The following PTPN14 variants were observed in gnomAD, a reference collection of about 807,000 sequenced individuals.
PTPN14 encodes protein tyrosine phosphatase non-receptor type 14.
A neutral mutation model predicts 126.8 loss-of-function variants in PTPN14; 53 were observed. The observed-to-expected ratio is 0.42, with a 90% CI of 0.34 to 0.53. The LOEUF (loss-of-function observed/expected upper bound fraction) is 0.53, where lower values mean the gene tolerates loss of function less well. Among genes scored for constraint, PTPN14 ranks in the 20% least tolerant of loss-of-function variants. The pLI, the probability that PTPN14 is intolerant of heterozygous loss-of-function variation, is 0.08. For synonymous variants in PTPN14, 630 were observed against 599.3 expected (o/e 1.05, Z -0.75); for missense variants, 1,257 against 1,552.9 (o/e 0.81, Z 3.20).
intron 15 of PTPN14, among the ~76,000 whole-genome samples, chr1:214,373,427 T>C (rs1163566769): frequency 6.6e-6 from 1 of 152,154 alleles, no homozygotes; most frequent in Non-Finnish European, 1.5e-5. Context: ...CATACACACA[T>C]GTATAGATGC....
chr1:214,502,551 A>T lies in PTPN14; in HGVS notation c.-154-37594T>A, dbSNP rs149101525. Among the ~76,000 whole-genome samples, 261 of 152,204 alleles carry T rather than the reference A, an allele frequency of 1.7e-3. 2 individuals carry two copies. Among genetic ancestry groups the T allele is most frequent in the Middle Eastern group, 3.4e-3 (1 of 294 alleles). Reference sequence around the variant, plus strand: ...TTATTTATTTATTTTTAGAGACAGGATCTCACTATGTTGCCCAGGCTGGTC... The same window carrying T: ...TTATTTATTTATTTTTAGAGACAGGTTCTCACTATGTTGCCCAGGCTGGTC... On this transcript the variant is annotated intron_variant, in intron 1 of 18. Coordinates refer to ENST00000366956, the MANE Select transcript of PTPN14 (RefSeq NM_005401.5).
At chr1:214,392,467 G>A (rs551754156) in intron 10 of PTPN14, among the ~76,000 whole-genome samples, 101 of 152,236 alleles carry the variant, frequency 6.6e-4, no homozygotes, top group Admixed American at 1.6e-3. Flanking sequence ...GAAGACAAGA[G>A]TAAAATCCAG....
At chr1:214,500,979 G>A (rs1242713987) in intron 1 of PTPN14, among the ~76,000 whole-genome samples, 4 of 152,128 alleles carry the variant, frequency 2.6e-5, no homozygotes, top group African/African-American at 9.7e-5. Context: ...CACTAACAAT[G>A]AAAAGATTCA....
At chr1:214,500,614 C>T (rs969629064) in intron 1 of PTPN14, among the ~76,000 whole-genome samples, 1 of 151,484 alleles carries the variant, frequency 6.6e-6, no homozygotes, top group African/African-American at 2.4e-5. Context: ...TGTTTCAGAA[C>T]CACTGAGGGA....
At chr1:214,520,065 A>AAAAAAAAAAAAAAAAATATATAT in intron 1 of PTPN14, among the ~76,000 whole-genome samples, 10 of 71,104 alleles carry the variant, frequency 1.4e-4, no homozygotes, top group Non-Finnish European at 1.9e-4. Context: ...AAAAAAAAAA[A>AAAAAAAAAAAAAAAAATATATAT]ATATATATAT....
At chr1:214,443,352 A>G (rs996499369) in intron 3 of PTPN14, among the ~76,000 whole-genome samples, 1 of 152,104 alleles carries the variant, frequency 6.6e-6, no homozygotes, top group South Asian at 2.1e-4. Context: ...CACCTCCCCA[A>G]TTCCTGCAAG....
At chr1:214,368,195 T>TA (rs1456676592) in intron 17 of PTPN14, among the ~76,000 whole-genome samples, 39 of 137,222 alleles carry the variant, frequency 2.8e-4, no homozygotes, top group African/African-American at 1.0e-3. Flanking sequence ...ATGTTATTCG[T>TA]TTTTATTTAT....
rs146466456 is a variant in PTPN14 at position 214,383,465 on chromosome 1, G to A, written c.2390C>T (p.Pro797Leu). ...GCCGAGAGAGGCCCCGTTGACAGCC[G>A]GCGGGTCAGTCCGAGACATGCTGAT... ...KAISMSRTDP[P>L]AVNGASLGPS... The change falls in exon 13 of 19, where the codon CCG (proline) becomes CTG (leucine). Residue 797 changes from proline (P) to leucine (L), a missense_variant. Physicochemically the swap from Pro to Leu is moderately conservative, Grantham distance 98 (BLOSUM62 -3). Around this residue, in one of 3 missense-constraint regions of PTPN14, gnomAD observed 1,021 missense variants for 1,183.3 expected, o/e 0.86. Transcript: ENST00000366956. This position sits in a 1 kb window ranked among gnomAD's most constrained non-coding sequence, Gnocchi z 4.4. The A allele has an allele frequency of 4.1e-4, 656 of 1,614,120 alleles. No homozygotes were observed. The highest frequency in any genetic ancestry group is 5.1e-4 in the Non-Finnish European group (602 of 1,180,056).
intron 1 of PTPN14, among the ~76,000 whole-genome samples, chr1:214,546,352 T>C (rs575570707): frequency 1.3e-5 from 2 of 152,352 alleles, no homozygotes; most frequent in South Asian, 2.1e-4. Context: ...TTGAGGAATG[T>C]AGTGTGAACA....
Position 214,364,752 on chromosome 1 carries a change from G to A in PTPN14, c.3272-77C>T, listed in dbSNP as rs1318487346. 6 of 1,322,876 alleles carry A rather than the reference G, an allele frequency of 4.5e-6. No individual in the cohort carries two copies. The African/African-American group carries it at 4.9e-5, about 11-fold the overall frequency. 81.9% of individuals were successfully genotyped at this position (1,322,876 alleles called of 1,614,324 possible). A position where few individuals can be genotyped will look rare whatever the true frequency, so the allele number is the denominator to read the frequency against. On this transcript the variant is annotated intron_variant, in intron 17 of 18. Transcript: ENST00000366956. This position sits in a 1 kb window ranked among gnomAD's most constrained non-coding sequence, Gnocchi z 4.1. ...GTAAGTTGGGGAGGGGGGAGCGGAA[G>A]AGAACTGATGGTGAGTGTGTGTGTG...
chr1:214,350,024 C>T lies in PTPN14; in HGVS notation c.*7898G>A, dbSNP rs1159459580. 6.6e-6 allele frequency: 1 copy of T among 152,158 alleles called. No individual in the cohort carries two copies. The highest frequency in any genetic ancestry group is 1.5e-5 in the Non-Finnish European group (1 of 68,022). The allele number at this position is 152,158 out of a possible 1,614,324, so 9.4% of individuals were successfully genotyped here. A position where few individuals can be genotyped will look rare whatever the true frequency, so the allele number is the denominator to read the frequency against. ...GCTCCGCCCCAAGCCACAAAAAGAT[C>T]CCAATCCAATCTTTTCAGCTTTATC... On this transcript the variant is annotated 3_prime_UTR_variant, in exon 19 of 19. Coordinates refer to ENST00000366956, the MANE Select transcript of PTPN14 (RefSeq NM_005401.5).
chr1:214,414,619 T>A lies in PTPN14; in HGVS notation c.442+10A>T. ...TGGAATTTCACATGCTGCTCATAAC[T>A]ATGTCTTACCTTGCACAGCTAGGCC... On this transcript the variant is annotated intron_variant, in intron 4 of 18. Coordinates refer to ENST00000366956, the MANE Select transcript of PTPN14 (RefSeq NM_005401.5). The A allele has an allele frequency of 6.2e-7, 1 of 1,607,450 alleles. No homozygotes were observed. Among genetic ancestry groups the A allele is most frequent in the Non-Finnish European group, 8.5e-7 (1 of 1,173,958 alleles).
At chr1:214,523,620 C>A (rs1655315917) in intron 1 of PTPN14, among the ~76,000 whole-genome samples, 1 of 152,102 alleles carries the variant, frequency 6.6e-6, no homozygotes, top group Admixed American at 6.5e-5. Flanking sequence ...AACATACCCC[C>A]TTGTTAAGCA....
intron 13 of PTPN14, among the ~76,000 whole-genome samples, chr1:214,381,156 A>G (rs1413314580): frequency 1.3e-5 from 2 of 152,144 alleles, no homozygotes; most frequent in Non-Finnish European, 2.9e-5. Flanking sequence ...TAAGGAGGAG[A>G]CCCATGCCAA....
At chr1:214,532,684 T>G (rs895721730) in intron 1 of PTPN14, 15 of 813,130 alleles carry the variant, frequency 1.8e-5, no homozygotes, top group African/African-American at 6.7e-5. Context: ...TAGAGTCAAG[T>G]ATGAGACAGA....
At chr1:214,496,660 A>G (rs944041240) in intron 1 of PTPN14, among the ~76,000 whole-genome samples, 4 of 152,194 alleles carry the variant, frequency 2.6e-5, no homozygotes, top group Non-Finnish European at 4.4e-5. Flanking sequence ...TGGGATCCCT[A>G]AGGGACCAGA....
At chr1:214,438,658 G>A (rs995968011) in intron 3 of PTPN14, among the ~76,000 whole-genome samples, 11 of 152,180 alleles carry the variant, frequency 7.2e-5, no homozygotes, top group African/African-American at 2.2e-4. Flanking sequence ...AATAATGTAC[G>A]AAGCCTCACA....
chr1:214,397,994 T>A lies in PTPN14; in HGVS notation c.677A>T (p.His226Leu). 6.2e-7 allele frequency: 1 copy of A among 1,610,876 alleles called. No homozygotes were observed. The highest frequency in any genetic ancestry group is 8.5e-7 in the Non-Finnish European group (1 of 1,177,120). ...GQEIFPVKDN[H>L]GNCVHLGIFF... is the part of the protein sequence containing the mutation. ...AATGCCAAGGTGTACACAGTTTCCA[T>A]GATTGTCCTGGGTAAGACCAACAAA... Residue 226 changes from histidine to leucine, a missense_variant, in exon 8 of 19, where the codon CAT (histidine) becomes CTT (leucine). By Grantham distance (99) the His-to-Leu change is moderately conservative. Around this residue, in one of 3 missense-constraint regions of PTPN14, gnomAD observed 1,021 missense variants for 1,183.3 expected, o/e 0.86. Transcript: ENST00000366956.
At chr1:214,551,130 C>T (rs150598229) in intron 1 of PTPN14, 53 bp downstream of exon 1, 7,234 of 152,392 alleles carry the variant, frequency 0.047, 204 homozygotes, top group Middle Eastern at 0.11. Flanking sequence ...GCGCCCGGAG[C>T]GCCAAGGCGG....
Sources: allele counts gnomAD v4.1 joint callset (sites outside exome capture counted in the v4.1 genomes callset), GRCh38; gene constraint gnomAD v4.1.1; regional missense constraint gnomAD v4.1.1; non-coding constraint Gnocchi (gnomAD v3.1); transcripts MANE v1.5; gene names NCBI Gene and HGNC (gene_info 2026-07-23, HGNC 2026-07-21).